Variants in RAD54B observed in about 807,000 individuals in gnomAD.
The protein encoded by RAD54B is RAD54 homolog B, also known as DNA repair and recombination protein RAD54B.
In RAD54B, 78 loss-of-function variants were observed where a neutral mutation model predicts 95.8. The observed-to-expected ratio is 0.81, with a 90% confidence interval of 0.68 to 0.98. RAD54B has a LOEUF of 0.98. Ranked by LOEUF, RAD54B falls within the 50% of genes least tolerant of loss-of-function variation. RAD54B has a pLI of 0.00. For synonymous variants in RAD54B, 328 were observed against 354.9 expected (o/e 0.92, Z 0.85); for missense variants, 957 against 1,056.6 (o/e 0.91, Z 1.31).
intron 3 of RAD54B, chr8:94,436,685 G>A: frequency 7.7e-6 from 12 of 1,550,604 alleles, no homozygotes; most frequent in Non-Finnish European, 1.0e-5. Context: ...GCTGTTCGAG[G>A]AGGGCGGTCT....
At chr8:94,470,464 G>A (rs1190594957) in intron 1 of RAD54B, among the ~76,000 whole-genome samples, 9 of 152,110 alleles carry the variant, frequency 5.9e-5, no homozygotes, top group African/African-American at 1.7e-4. Context: ...GCGTGGTGGC[G>A]CATGCCTGTA....
chr8:94,388,368 T>G (rs533447248), intron 10 of RAD54B, among the ~76,000 whole-genome samples: 12 of 152,284 alleles, frequency 7.9e-5, no homozygotes, highest in Non-Finnish European at 1.5e-4. Context: ...ATAGCTTACT[T>G]TAGTGTAAAA....
intron 3 of RAD54B, among the ~76,000 whole-genome samples, chr8:94,418,986 A>G (rs1186936782): frequency 2.0e-5 from 3 of 152,152 alleles, no homozygotes; most frequent in Admixed American, 6.5e-5. Flanking sequence ...TTTTAAATGT[A>G]TCTTCATTTC....
intron 5 of RAD54B, among the ~76,000 whole-genome samples, chr8:94,406,003 TACAC>T (rs10640285): frequency 2.0e-4 from 29 of 148,068 alleles, no homozygotes; most frequent in East Asian, 5.9e-4. Flanking sequence ...GAAGTGCTTT[TACAC>T]ACACACACAC....
intron 3 of RAD54B, among the ~76,000 whole-genome samples, chr8:94,427,380 C>T (rs1220112245): frequency 6.6e-6 from 1 of 151,898 alleles, no homozygotes; most frequent in African/African-American, 2.4e-5. Context: ...AACAATTTCT[C>T]AAAATCGTAT....
rs2129973236 is a variant in RAD54B at position 94,386,986 on chromosome 8, T to A, written c.1983A>T (p.Glu661Asp). The change falls in exon 11 of 15, where the codon GAA becomes GAT. Residue 661 changes from glutamate (E) to aspartate (D), a missense_variant and splice_region_variant. Coordinates refer to ENST00000336148, the MANE Select transcript of RAD54B (RefSeq NM_012415.3). ...TAAGTTTGTTAAATCGATCTTACTT[T>A]TCAGTAGGTCGAAGTTCGTGGATAA... ...LAVIHELRPT[E>D]KVVLVSNYTQ... 1 of 1,591,450 alleles carries A rather than the reference T, an allele frequency of 6.3e-7. No homozygotes were observed. The highest frequency in any genetic ancestry group is 2.3e-5 in the East Asian group (1 of 44,398).
At chr8:94,461,359 AC>A (rs1812900243) in intron 2 of RAD54B, among the ~76,000 whole-genome samples, 1 of 150,442 alleles carries the variant, frequency 6.6e-6, no homozygotes, top group African/African-American at 2.4e-5. Context: ...TTTAGTAGAG[AC>A]GGGGTTTCTC....
chr8:94,436,741 T>C (rs755651530), intron 3 of RAD54B: 6 of 1,550,612 alleles, frequency 3.9e-6, no homozygotes, highest in Admixed American at 2.0e-5. Flanking sequence ...CCAACATCTA[T>C]TCTTTTCTAC....
chr8:94,373,113 A>G (rs1810480656), intron 14 of RAD54B: 1 of 152,216 alleles, frequency 6.6e-6, no homozygotes, highest in Non-Finnish European at 1.5e-5. Context: ...TAGATGGGGA[A>G]AAAAGATAAA....
At chr8:94,474,624 A>G (rs560032555) in intron 1 of RAD54B, among the ~76,000 whole-genome samples, 3 of 152,288 alleles carry the variant, frequency 2.0e-5, no homozygotes, top group Non-Finnish European at 4.4e-5. Flanking sequence ...ACGCTCGCAG[A>G]GCCTTCACCC....
chr8:94,403,677 C>CA lies in RAD54B; in HGVS notation c.944+399dup, dbSNP rs767425284. Among the ~76,000 whole-genome samples the CA allele has an allele frequency of 2.6e-3, 339 of 131,678 alleles. 3 individuals are homozygous for CA. The highest frequency in any genetic ancestry group is 2.6e-3 in the Non-Finnish European group (155 of 60,732). The allele number at this position is 131,678 out of a possible 152,430, so 86.4% of individuals were successfully genotyped here. A position where few individuals can be genotyped will look rare whatever the true frequency, so the allele number is the denominator to read the frequency against. ...GGGCAACATAGTAAGACTCCGTCTC[C>CA]AAAAAAAAAAAAAAATTCTTATAAC... On this transcript the variant is annotated intron_variant, in intron 6 of 14. Transcript: ENST00000336148.
intron 3 of RAD54B, among the ~76,000 whole-genome samples, chr8:94,425,848 C>G (rs1414775818): frequency 1.3e-5 from 2 of 151,158 alleles, no homozygotes; most frequent in Non-Finnish European, 2.9e-5. Context: ...CTACAATATT[C>G]CCAGATATCT....
At chr8:94,470,817 A>G (rs1423353990) in intron 1 of RAD54B, among the ~76,000 whole-genome samples, 1 of 152,124 alleles carries the variant, frequency 6.6e-6, no homozygotes, top group African/African-American at 2.4e-5. Flanking sequence ...AGTAGGGGGA[A>G]AAAGGGAAAC....
chr8:94,380,000 T>C, intron 12 of RAD54B, 145 bp downstream of exon 12: 5 of 842,806 alleles, frequency 5.9e-6, no homozygotes, highest in South Asian at 2.0e-5. Context: ...ATTAAACAGA[T>C]GGAAAGCACT....
intron 5 of RAD54B, among the ~76,000 whole-genome samples, chr8:94,405,883 A>T (rs1284979639): frequency 6.6e-6 from 1 of 152,128 alleles, no homozygotes; most frequent in Non-Finnish European, 1.5e-5. Context: ...ACAATGATGA[A>T]GACGATCATT....
At chr8:94,422,603 AAAAAAAAAAAAAAAATATAT>A (rs1487105851) in intron 3 of RAD54B, among the ~76,000 whole-genome samples, 1 of 97,288 alleles carries the variant, frequency 1.0e-5, no homozygotes, top group African/African-American at 5.0e-5. Context: ...AAAAAAAAAA[AAAAAAAAAAAAAAAATATAT>A]ATATATATAT....
At chr8:94,472,039 T>C (rs992164837) in intron 1 of RAD54B, among the ~76,000 whole-genome samples, 9 of 152,262 alleles carry the variant, frequency 5.9e-5, no homozygotes, top group Non-Finnish European at 1.0e-4. Context: ...TAATGAAACA[T>C]GTAAATATTT....
At chr8:94,397,555 T>C (rs745879761) in intron 8 of RAD54B, among the ~76,000 whole-genome samples, 1 of 152,146 alleles carries the variant, frequency 6.6e-6, no homozygotes, top group Non-Finnish European at 1.5e-5. Flanking sequence ...AGATCAATTT[T>C]CTACTGCAGA....
chr8:94,399,361 G>T, intron 8 of RAD54B, 53 bp downstream of exon 8: 1 of 1,394,982 alleles, frequency 7.2e-7, no homozygotes, highest in Non-Finnish European at 1.0e-6. Context: ...GTACAAGTCT[G>T]TATGTTCACT....
Sources: gnomAD v4.1 joint callset for allele counts (sites outside exome capture counted in the v4.1 genomes callset) on GRCh38, gnomAD v4.1.1 for gene constraint, MANE v1.5 for transcripts, NCBI Gene and HGNC (gene_info 2026-07-23, HGNC 2026-07-21) for gene names.